Variants in KIAA1549 observed in about 807,000 individuals in gnomAD.
The protein encoded by KIAA1549 is UPF0606 protein KIAA1549.
A neutral mutation model predicts 156.4 loss-of-function variants in KIAA1549; 70 were observed. The observed-to-expected ratio is 0.45, with a 90% confidence interval of 0.37 to 0.55. The LOEUF (loss-of-function observed/expected upper bound fraction) is 0.55, where lower values mean the gene tolerates loss of function less well. Ranked by LOEUF, KIAA1549 falls within the 20% of genes least tolerant of loss-of-function variation. KIAA1549 has a pLI of 0.00. For synonymous variants in KIAA1549, 1,103 were observed against 1,066.4 expected (o/e 1.03, Z -0.67); for missense variants, 2,428 against 2,540.9 (o/e 0.96, Z 0.96).
chr7:138,883,793 C>G (rs1206813373), intron 10 of KIAA1549, among the ~76,000 whole-genome samples: 2 of 152,214 alleles, frequency 1.3e-5, no homozygotes, highest in Non-Finnish European at 2.9e-5. Flanking sequence ...CAAACCGAAG[C>G]CTTCCCTCCT....
chr7:138,891,509 CTTT>C (rs990510530), intron 10 of KIAA1549, among the ~76,000 whole-genome samples: 29 of 152,304 alleles, frequency 1.9e-4, no homozygotes, highest in African/African-American at 6.5e-4. Flanking sequence ...GGGTTTTCTT[CTTT>C]ATTACTGAAA....
intron 14 of KIAA1549, 80 bp from the exon 15 acceptor site, chr7:138,868,208 T>A (rs1810811649): frequency 2.2e-6 from 3 of 1,370,662 alleles, no homozygotes; most frequent in Non-Finnish European, 2.0e-6. Flanking sequence ...CTAAGTACCC[T>A]GAGTACCTAG....
chr7:138,924,842 C>T (rs1412020267), intron 1 of KIAA1549, among the ~76,000 whole-genome samples: 1 of 152,062 alleles, frequency 6.6e-6, no homozygotes, highest in African/African-American at 2.4e-5. Context: ...AGCTCTAAAG[C>T]ATAGGTTCAC....
At chr7:138,971,012 G>A (rs980368645) in intron 1 of KIAA1549, among the ~76,000 whole-genome samples, 5 of 152,124 alleles carry the variant, frequency 3.3e-5, no homozygotes, top group Admixed American at 2.0e-4. Context: ...GAAGCACCAG[G>A]AAACCACTAG....
intron 1 of KIAA1549, among the ~76,000 whole-genome samples, chr7:138,962,905 G>A (rs775906283): frequency 3.9e-5 from 6 of 152,154 alleles, no homozygotes; most frequent in Non-Finnish European, 7.3e-5. Context: ...ACAGTTCTGC[G>A]GTCCTACATC....
At chr7:138,961,079 G>A (rs1813831236) in intron 1 of KIAA1549, among the ~76,000 whole-genome samples, 1 of 152,214 alleles carries the variant, frequency 6.6e-6, no homozygotes, top group South Asian at 2.1e-4. Context: ...CATCTGTCCT[G>A]CACTTGGATC....
At chr7:138,975,763 G>C (rs1441208629) in intron 1 of KIAA1549, among the ~76,000 whole-genome samples, 1 of 152,212 alleles carries the variant, frequency 6.6e-6, no homozygotes, top group African/African-American at 2.4e-5. Flanking sequence ...AGATCAGTTA[G>C]AACAGTGTCT....
At chr7:138,906,426 T>C (rs1313531203) in intron 6 of KIAA1549, among the ~76,000 whole-genome samples, 1 of 152,106 alleles carries the variant, frequency 6.6e-6, no homozygotes, top group Non-Finnish European at 1.5e-5. Flanking sequence ...ATAATGGAGG[T>C]TATGAATGTG....
At position 138,879,191 on chromosome 7, in the gene KIAA1549, G is replaced by A. The variant is rs114304075; in HGVS notation, c.4345+347C>T. On this transcript the variant is annotated intron_variant, in intron 12 of 19. Transcript: ENST00000422774. ...TTTCTGACTGACAGTTGTGAATCCT[G>A]GAATTGGTTCCTAAGAAAGCTATTG... Among the ~76,000 whole-genome samples, 163 of 152,260 alleles carry A rather than the reference G, an allele frequency of 1.1e-3. 1 individual carries two copies. Among genetic ancestry groups the A allele is most frequent in the African/African-American group, 3.6e-3 (149 of 41,552 alleles).
At chr7:138,978,909 C>T (rs553472079) in intron 1 of KIAA1549, among the ~76,000 whole-genome samples, 13 of 152,352 alleles carry the variant, frequency 8.5e-5, no homozygotes, top group African/African-American at 2.4e-4. Context: ...ACCCTAGCTA[C>T]ATCAGGAAGC....
intron 6 of KIAA1549, 41 bp downstream of exon 6, chr7:138,906,878 C>T (rs1180871978): frequency 4.4e-6 from 6 of 1,351,716 alleles, no homozygotes; most frequent in African/African-American, 1.5e-5. Flanking sequence ...CAAAAATGCC[C>T]GCCATCACCT....
At chr7:138,901,921 T>C (rs943382904) in intron 8 of KIAA1549, among the ~76,000 whole-genome samples, 1 of 152,002 alleles carries the variant, frequency 6.6e-6, no homozygotes, top group African/African-American at 2.4e-5. Flanking sequence ...TTTACAAACC[T>C]GCATGCCTAC....
Position 138,854,244 on chromosome 7 carries a change from T to C in KIAA1549, c.5248-1975A>G, listed in dbSNP as rs561424453. On this transcript the variant is annotated intron_variant, in intron 16 of 19. Transcript: ENST00000422774. The stretch of plus-strand genomic sequence containing the variant: ...CAGTATAAAACACAGGCCGACAGAG[T>C]GAGGAAGGCAAGTTAGATGGTTGGT... Among the ~76,000 whole-genome samples, 7 of 152,120 alleles carry C rather than the reference T, an allele frequency of 4.6e-5. 1 individual carries two copies. The highest frequency in any genetic ancestry group is 1.4e-4 in the African/African-American group (6 of 41,492).
intron 1 of KIAA1549, among the ~76,000 whole-genome samples, chr7:138,968,253 A>G (rs1020418636): frequency 1.3e-4 from 20 of 152,204 alleles, no homozygotes; most frequent in African/African-American, 4.6e-4. Flanking sequence ...CTTAATACCC[A>G]GATGATGGGT....
intron 18 of KIAA1549, among the ~76,000 whole-genome samples, chr7:138,841,673 T>TGA (rs1354691067): frequency 5.3e-5 from 8 of 152,192 alleles, no homozygotes. Context: ...AGGAGGCACC[T>TGA]CCTCCGTCTT....
chr7:138,912,429 G>C lies in KIAA1549; in HGVS notation c.2910C>G (p.Ile970Met). ...TCAGTACTTCTTTGATTGCTGTAATGATGTACTCCTGCACAGCTCTTCTGG... is the reference window on the plus strand; with the variant it reads ...TCAGTACTTCTTTGATTGCTGTAATCATGTACTCCTGCACAGCTCTTCTGG... ...VLARRAVQEY[I>M]ITAIKEVLRI... Residue 970 changes from isoleucine (I) to methionine (M), a missense_variant, in exon 3 of 20, where the codon ATC (isoleucine) becomes ATG (methionine). Ile to Met is a conservative substitution (Grantham distance 10). Coordinates refer to ENST00000422774, the MANE Select transcript of KIAA1549 (RefSeq NM_001164665.2). 6.2e-7 allele frequency: 1 copy of C among 1,613,828 alleles called. No individual in the cohort carries two copies. The highest frequency in any genetic ancestry group is 8.5e-7 in the Non-Finnish European group (1 of 1,179,830).
At chr7:138,892,637 A>G (rs1811574827) in intron 10 of KIAA1549, among the ~76,000 whole-genome samples, 1 of 152,240 alleles carries the variant, frequency 6.6e-6, no homozygotes, top group African/African-American at 2.4e-5. Context: ...CTTTTCATGT[A>G]CTTGATAGCC....
chr7:138,949,453 A>AT lies in KIAA1549; in HGVS notation c.188-30016dup, dbSNP rs200252765. On this transcript the variant is annotated intron_variant, in intron 1 of 19. Transcript: ENST00000422774. ...TTTTATTTTTAAATAAAAAATCAGT[A>AT]TTTTTTTAAAGTAAATGGAAGTTCT... 4.9e-3 allele frequency among the ~76,000 whole-genome samples: 742 copies of AT among 152,230 alleles called. 7 individuals are homozygous for AT. Among genetic ancestry groups the AT allele is most frequent in the African/African-American group, 0.017 (702 of 41,526 alleles).
At chr7:138,877,215 C>T (rs915667448) in intron 12 of KIAA1549, among the ~76,000 whole-genome samples, 8 of 151,526 alleles carry the variant, frequency 5.3e-5, no homozygotes, top group African/African-American at 2.0e-4. Context: ...TAAAACAGGC[C>T]GAACATGGTG....
Sources: allele counts gnomAD v4.1 joint callset (sites outside exome capture counted in the v4.1 genomes callset), GRCh38; gene constraint gnomAD v4.1.1; transcripts MANE v1.5; gene names NCBI Gene and HGNC (gene_info 2026-07-23, HGNC 2026-07-21).